LAMA4: variants seen among roughly 807,000 people sequenced by gnomAD.
The protein encoded by LAMA4 is laminin subunit alpha-4.
In LAMA4, 127 loss-of-function variants were observed where a neutral mutation model predicts 207.1. The observed-to-expected ratio is 0.61, with a 90% CI of 0.53 to 0.71. LAMA4 has a LOEUF of 0.71. Among genes scored for constraint, LAMA4 ranks in the 30% least tolerant of loss-of-function variants. LAMA4 has a pLI of 0.00. For synonymous variants in LAMA4, 761 were observed against 816.0 expected (o/e 0.93, Z 1.15); for missense variants, 2,093 against 2,246.5 (o/e 0.93, Z 1.38).
chr6:112,113,694 G>T (rs1777838186), intron 38 of LAMA4, among the ~76,000 whole-genome samples: 1 of 152,208 alleles, frequency 6.6e-6, no homozygotes. Context: ...TCCTACTGAG[G>T]AAGGGGAGCA....
At chr6:112,236,916 G>C (rs1583977481) in intron 2 of LAMA4, 1 of 152,234 alleles carries the variant, frequency 6.6e-6, no homozygotes, top group East Asian at 1.9e-4. Context: ...TCAGGGTGCA[G>C]GTAAGAAACT....
At chr6:112,251,650 C>T (rs1431559951) in intron 2 of LAMA4, 3 of 152,188 alleles carry the variant, frequency 2.0e-5, no homozygotes, top group Non-Finnish European at 2.9e-5. Flanking sequence ...ATTAAGTCTC[C>T]GGAATGTATT....
chr6:112,192,124 G>A (rs149968157), intron 5 of LAMA4, among the ~76,000 whole-genome samples: 2 of 152,304 alleles, frequency 1.3e-5, no homozygotes, highest in Non-Finnish European at 2.9e-5. Flanking sequence ...ATCCAGCCAG[G>A]GAACTGGTGT....
chr6:112,154,809 A>G (rs1554336491), intron 16 of LAMA4, 42 bp downstream of exon 16: 1 of 1,176,126 alleles, frequency 8.5e-7, no homozygotes, highest in South Asian at 1.2e-5. Flanking sequence ...GGAGGGAAGC[A>G]GCTATAAATT....
At chr6:112,179,228 T>A (rs1273043401) in intron 9 of LAMA4, 1 of 152,152 alleles carries the variant, frequency 6.6e-6, no homozygotes, top group African/African-American at 2.4e-5. Flanking sequence ...CCAACTCAAA[T>A]GTGGCCTCTG....
chr6:112,145,676 C>T (rs1280431817), intron 18 of LAMA4, among the ~76,000 whole-genome samples: 2 of 152,166 alleles, frequency 1.3e-5, no homozygotes, highest in Admixed American at 6.5e-5. Flanking sequence ...AGTATGGGCT[C>T]GAACCTGACC....
chr6:112,161,625 G>C (rs1781056740), intron 13 of LAMA4, among the ~76,000 whole-genome samples: 1 of 152,152 alleles, frequency 6.6e-6, no homozygotes, highest in South Asian at 2.1e-4. Context: ...TAGTGGGAGA[G>C]ATACAGGTAA....
At chr6:112,123,977 AT>A (rs1778529571) in intron 31 of LAMA4, among the ~76,000 whole-genome samples, 2 of 152,202 alleles carry the variant, frequency 1.3e-5, no homozygotes, top group Non-Finnish European at 2.9e-5. Context: ...GGTGGGCAGA[AT>A]GGGCTGGAGT....
chr6:112,243,274 C>T (rs539523848), intron 2 of LAMA4, among the ~76,000 whole-genome samples: 1 of 152,170 alleles, frequency 6.6e-6, no homozygotes, highest in African/African-American at 2.4e-5. Flanking sequence ...TTAGGAACCA[C>T]CCCTCCCCAC....
At chr6:112,165,402 T>C (rs1445103559) in intron 12 of LAMA4, 126 bp from the exon 13 acceptor site, 2 of 741,302 alleles carry the variant, frequency 2.7e-6, no homozygotes, top group Admixed American at 1.8e-5. Flanking sequence ...CCCAGCTCCA[T>C]CCTTGCTGTG....
chr6:112,167,054 C>G (rs1554340207), intron 12 of LAMA4, among the ~76,000 whole-genome samples: 1 of 152,148 alleles, frequency 6.6e-6, no homozygotes, highest in African/African-American at 2.4e-5. Context: ...TTTAATCATT[C>G]TGTTACCCTT....
chr6:112,109,399 T>A lies in LAMA4; in HGVS notation c.*38A>T. The stretch of plus-strand genomic sequence containing the variant: ...TGGCTTTGTGTTTCTTTCAGTGCTC[T>A]AAAGAACTTTGTATTTGGGCAGCTG... On this transcript the variant is annotated 3_prime_UTR_variant, in exon 39 of 39. Coordinates refer to ENST00000230538, the MANE Select transcript of LAMA4 (RefSeq NM_001105206.3). 1 of 1,612,460 alleles carries A rather than the reference T, an allele frequency of 6.2e-7. No individual in the cohort carries two copies. Among genetic ancestry groups the A allele is most frequent in the Non-Finnish European group, 8.5e-7 (1 of 1,179,498 alleles).
At chr6:112,177,153 T>C (rs1782071092) in intron 10 of LAMA4, among the ~76,000 whole-genome samples, 1 of 152,226 alleles carries the variant, frequency 6.6e-6, no homozygotes, top group Non-Finnish European at 1.5e-5. Context: ...CTCAAAAATA[T>C]GAGCCATGAG....
intron 9 of LAMA4, among the ~76,000 whole-genome samples, chr6:112,180,574 T>G (rs782276531): frequency 6.6e-6 from 1 of 152,252 alleles, no homozygotes; most frequent in African/African-American, 2.4e-5. Context: ...ACATTACAAA[T>G]GTATTAGTCA....
intron 3 of LAMA4, among the ~76,000 whole-genome samples, chr6:112,213,273 A>G (rs1213163021): frequency 6.6e-6 from 1 of 152,220 alleles, no homozygotes; most frequent in Non-Finnish European, 1.5e-5. Context: ...TCTGGGTTCT[A>G]TGTACTTAAG....
chr6:112,210,507 T>C (rs1554356153), intron 3 of LAMA4, among the ~76,000 whole-genome samples: 3 of 152,170 alleles, frequency 2.0e-5, no homozygotes. Context: ...AAATGATATC[T>C]CTCATGTGCT....
intron 3 of LAMA4, among the ~76,000 whole-genome samples, chr6:112,211,976 G>A (rs1048885799): frequency 1.4e-4 from 22 of 152,114 alleles, no homozygotes; most frequent in African/African-American, 5.1e-4. Flanking sequence ...AGTGGTCAGG[G>A]AGGTTGTGGC....
intron 2 of LAMA4, among the ~76,000 whole-genome samples, chr6:112,233,169 A>C (rs1785673141): frequency 6.6e-6 from 1 of 152,218 alleles, no homozygotes; most frequent in Non-Finnish European, 1.5e-5. Flanking sequence ...GCCAAATGCT[A>C]TCTTGACTTG....
chr6:112,136,616 C>T (rs375257689), intron 24 of LAMA4, among the ~76,000 whole-genome samples: 1 of 149,880 alleles, frequency 6.7e-6, no homozygotes, highest in Non-Finnish European at 1.5e-5. Flanking sequence ...CGCTTGAACC[C>T]GGGAGGTGGA....
Sources: allele counts gnomAD v4.1 joint callset (sites outside exome capture counted in the v4.1 genomes callset), GRCh38; gene constraint gnomAD v4.1.1; transcripts MANE v1.5; gene names NCBI Gene and HGNC (gene_info 2026-07-23, HGNC 2026-07-21).